SNX29: variants seen among roughly 807,000 people sequenced by gnomAD.
SNX29 encodes sorting nexin-29.
A neutral mutation model predicts 102.1 loss-of-function variants in SNX29; 78 were observed. The observed-to-expected ratio is 0.76, with a 90% confidence interval of 0.64 to 0.92. SNX29 has a LOEUF of 0.92. Ranked by LOEUF, SNX29 falls within the 40% of genes least tolerant of loss-of-function variation. The pLI is 0.00. For missense variants in SNX29, 1,280 were observed against 1,061.7 expected, an observed-to-expected ratio of 1.21 and a Z score of -2.86; for synonymous variants, 580 against 414.5, an observed-to-expected ratio of 1.40 and a Z score of -4.85.
At chr16:12,513,174 C>G (rs1338431613) in intron 19 of SNX29, among the ~76,000 whole-genome samples, 2 of 151,318 alleles carry the variant, frequency 1.3e-5, no homozygotes, top group African/African-American at 4.9e-5. Flanking sequence ...TCTCCCCTCC[C>G]TCCCATACCT....
chr16:12,514,050 G>T (rs548224106), intron 19 of SNX29, among the ~76,000 whole-genome samples: 4 of 152,196 alleles, frequency 2.6e-5, no homozygotes, highest in African/African-American at 9.7e-5. Context: ...CGTGGATTGC[G>T]GCTTGCTCCC....
At chr16:12,048,219 C>T (rs1311298724) in intron 6 of SNX29, among the ~76,000 whole-genome samples, 153 bp from the exon 7 acceptor site, 1 of 151,624 alleles carries the variant, frequency 6.6e-6, no homozygotes, top group Non-Finnish European at 1.5e-5. Context: ...GCGATTTTCG[C>T]TCCCTGCAAC....
intron 14 of SNX29, among the ~76,000 whole-genome samples, chr16:12,216,177 CAA>C (rs1206230035): frequency 4.6e-5 from 7 of 152,068 alleles, no homozygotes; most frequent in African/African-American, 1.4e-4. Flanking sequence ...AAGATAGACA[CAA>C]GAGAAAAAGG....
intron 14 of SNX29, among the ~76,000 whole-genome samples, chr16:12,223,935 G>A (rs777567517): frequency 2.6e-5 from 4 of 152,118 alleles, no homozygotes; most frequent in South Asian, 2.1e-4. Context: ...ACGAAGAAAC[G>A]TAGCCTCGGA....
intron 13 of SNX29, among the ~76,000 whole-genome samples, chr16:12,178,044 T>G (rs953278909): frequency 6.6e-6 from 1 of 152,240 alleles, no homozygotes; most frequent in African/African-American, 2.4e-5. Context: ...CCTCACTGTT[T>G]CAGACATTGC....
In SNX29 at chr16:12,474,833, T is replaced by TTCACC. The variant is rs1431282669; in HGVS notation, c.2038-2886_2038-2885insTCACC. ...GTTGCTGTGTATCCTTGGAAGGTGC[T>TTCACC]AGGGCCTGTAAAAGGCTGGTGAAGC... On this transcript the variant is annotated intron_variant, in intron 18 of 20. Transcript: ENST00000566228. Among the ~76,000 whole-genome samples, 3 of 152,346 alleles carry TTCACC rather than the reference T, an allele frequency of 2.0e-5. No homozygotes were observed. In the East Asian group the frequency reaches 5.8e-4, roughly 29 times the overall value.
At chr16:12,011,846 G>GA (rs2056664392) in intron 3 of SNX29, among the ~76,000 whole-genome samples, 1 of 152,080 alleles carries the variant, frequency 6.6e-6, no homozygotes, top group African/African-American at 2.4e-5. Context: ...GCACCATCTG[G>GA]AAAATCAGAT....
rs997320462 is a variant in SNX29, at chr16:12,572,124, C to G, written c.*3495C>G. On this transcript the variant is annotated 3_prime_UTR_variant, in exon 21 of 21. Coordinates refer to ENST00000566228, the MANE Select transcript of SNX29 (RefSeq NM_032167.5). ...ACTGGGTCTGATCACAGCCCTTGGC[C>G]CTGCTTCATACTTTGGAGCTTATTA... 2.9e-6 allele frequency: 3 copies of G among 1,030,912 alleles called. No individual in the cohort carries two copies. The highest frequency in any genetic ancestry group is 4.3e-4 in the Middle Eastern group (1 of 2,350). 63.9% of individuals were successfully genotyped at this position (1,030,912 alleles called of 1,614,324 possible).
intron 20 of SNX29, among the ~76,000 whole-genome samples, chr16:12,539,717 C>T (rs1412172216): frequency 6.6e-6 from 1 of 152,210 alleles, no homozygotes; most frequent in Non-Finnish European, 1.5e-5. Flanking sequence ...TGATTCTTTA[C>T]TGTGGCTGTT....
chr16:12,343,620 C>G (rs1454706266), intron 15 of SNX29, among the ~76,000 whole-genome samples: 1 of 152,000 alleles, frequency 6.6e-6, no homozygotes, highest in Non-Finnish European at 1.5e-5. Flanking sequence ...CCTTCCTGTT[C>G]CCAGGGACCG....
intron 18 of SNX29, among the ~76,000 whole-genome samples, chr16:12,446,443 A>G (rs1164334720): frequency 2.6e-5 from 4 of 152,164 alleles, no homozygotes; most frequent in African/African-American, 4.8e-5. Flanking sequence ...GTTCTTTATC[A>G]TCTGGTGGGA....
At chr16:12,286,801 C>T (rs2079613236) in intron 15 of SNX29, among the ~76,000 whole-genome samples, 1 of 152,208 alleles carries the variant, frequency 6.6e-6, no homozygotes, top group African/African-American at 2.4e-5. Context: ...CATCAAACCT[C>T]AGCCTCTCAT....
intron 18 of SNX29, among the ~76,000 whole-genome samples, chr16:12,442,272 C>T (rs1228696784): frequency 6.6e-6 from 1 of 152,192 alleles, no homozygotes; most frequent in Non-Finnish European, 1.5e-5. Flanking sequence ...CTGTCCCTTG[C>T]ATCTCTATGC....
chr16:12,462,024 C>T (rs1300901684), intron 18 of SNX29, among the ~76,000 whole-genome samples: 31 of 119,234 alleles, frequency 2.6e-4, no homozygotes, highest in African/African-American at 7.4e-4. Flanking sequence ...TATACACACA[C>T]ACACACACAC....
chr16:12,165,157 T>C (rs2055963483), intron 13 of SNX29, among the ~76,000 whole-genome samples: 1 of 152,232 alleles, frequency 6.6e-6, no homozygotes, highest in Admixed American at 6.5e-5. Flanking sequence ...GGGAAATACA[T>C]GGTTTCACAT....
chr16:11,995,225 C>G (rs1401049554), intron 1 of SNX29, among the ~76,000 whole-genome samples: 1 of 152,156 alleles, frequency 6.6e-6, no homozygotes, highest in African/African-American at 2.4e-5. Flanking sequence ...GTCACCACAC[C>G]TGGCTAATTT....
chr16:12,175,110 A>G (rs527700767), intron 13 of SNX29, among the ~76,000 whole-genome samples: 37 of 152,262 alleles, frequency 2.4e-4, no homozygotes, highest in Non-Finnish European at 4.9e-4. Context: ...TTTAGGGTTT[A>G]TGTTCAGGGA....
At position 12,544,488 on chromosome 16, in the gene SNX29, CG is replaced by C. The variant is rs554375618; in HGVS notation, c.2318+19649del. 4.8e-3 allele frequency among the ~76,000 whole-genome samples: 725 copies of C among 152,208 alleles called. 4 individuals carry two copies. The highest frequency in any genetic ancestry group is 0.016 in the African/African-American group (669 of 41,514). On this transcript the variant is annotated intron_variant, in intron 20 of 20. Coordinates refer to ENST00000566228, the MANE Select transcript of SNX29 (RefSeq NM_032167.5). Reference sequence around the variant, plus strand: ...AAGAGGCCGATTTTATGATTGGGGTCGGCTGGGGTCTAGATGGCATTTTTCT... The same window carrying C: ...AAGAGGCCGATTTTATGATTGGGGTCGCTGGGGTCTAGATGGCATTTTTCT...
chr16:12,070,954 G>A (rs2051266663), intron 10 of SNX29, among the ~76,000 whole-genome samples: 1 of 151,848 alleles, frequency 6.6e-6, no homozygotes, highest in Non-Finnish European at 1.5e-5. Context: ...TGTGTCTTTT[G>A]GCTGCATAAA....
Sources: gnomAD v4.1 joint callset for allele counts (sites outside exome capture counted in the v4.1 genomes callset) on GRCh38, gnomAD v4.1.1 for gene constraint, MANE v1.5 for transcripts, NCBI Gene and HGNC (gene_info 2026-07-23, HGNC 2026-07-21) for gene names.